The following SRCIN1 variants were observed in gnomAD, a reference collection of about 807,000 sequenced individuals.
SRCIN1 encodes the protein SRC kinase signaling inhibitor 1, also known as P130Cas-associated protein.
In SRCIN1, 50 loss-of-function variants were observed where a neutral mutation model predicts 116.2. That is an observed-to-expected ratio of 0.43 (90% CI 0.34 to 0.54). The LOEUF (loss-of-function observed/expected upper bound fraction) is 0.54, where lower values mean the gene tolerates loss of function less well. Among genes scored for constraint, SRCIN1 ranks in the 20% least tolerant of loss-of-function variants. The pLI is 0.02. For synonymous variants in SRCIN1, 736 were observed against 750.0 expected (o/e 0.98, Z 0.30); for missense variants, 1,446 against 1,672.0 (o/e 0.86, Z 2.36).
In SRCIN1 at chr17:38,561,846, C is replaced by T; in HGVS notation, c.1317G>A (p.Ser439=). 2 of 1,473,964 alleles carry T rather than the reference C, an allele frequency of 1.4e-6. No homozygotes were observed. The highest frequency in any genetic ancestry group is 1.8e-6 in the Non-Finnish European group (2 of 1,122,676). 91.3% of individuals were successfully genotyped at this position (1,473,964 alleles called of 1,614,324 possible). The change falls in exon 7 of 19, where the codon TCG becomes TCA. Residue 439 remains serine (S), a synonymous_variant. Transcript: ENST00000617146. Reference sequence around the variant, plus strand: ...CCAGATCGGACTGCAGCGCGGCGGCCGAGTAGGTGCTGAGCGAGCGCACCG... The same window carrying T: ...CCAGATCGGACTGCAGCGCGGCGGCTGAGTAGGTGCTGAGCGAGCGCACCG... The part of the protein sequence containing the change: ...RGSVRSLSTY[S]AAALQSDLED...
At position 38,559,711 on chromosome 17, in the gene SRCIN1, C is replaced by T. The variant is rs570534473; in HGVS notation, c.1899G>A (p.Ser633=). ...GCTGACCTGCGGGGGTGCTGCTGGCCGAGGGCGGGGGCGGGCCGGACACCG... is the reference window on the plus strand; with the variant it reads ...GCTGACCTGCGGGGGTGCTGCTGGCTGAGGGCGGGGGCGGGCCGGACACCG... The part of the protein sequence containing the change: ...ATPVSGPPPP[S]ASSTPAGQPT... Residue 633 remains serine (S), a synonymous_variant, in exon 10 of 19, where the codon TCG becomes TCA. Transcript: ENST00000617146. 5 of 1,574,474 alleles carry T rather than the reference C, an allele frequency of 3.2e-6. No homozygotes were observed. The South Asian group carries it at 5.7e-5, about 18-fold the overall frequency.
In SRCIN1 at chr17:38,563,259, TC is replaced by T; in HGVS notation, c.740+63del. 1 of 1,534,764 alleles carries T rather than the reference TC, an allele frequency of 6.5e-7. No homozygotes were observed. The highest frequency in any genetic ancestry group is 8.8e-7 in the Non-Finnish European group (1 of 1,137,832). On this transcript the variant is annotated intron_variant, in intron 5 of 18. Transcript: ENST00000617146. This position sits in a 1 kb window ranked among gnomAD's most constrained non-coding sequence, Gnocchi z 5.8. The stretch of plus-strand genomic sequence containing the variant: ...AGGAGCTGGGGAAGGGCCGGCGGGG[TC>T]CAGCACCCTGCAGAGGAGGAGCGTG...
At chr17:38,578,338 G>A (rs1398565179) in intron 2 of SRCIN1, among the ~76,000 whole-genome samples, 152 bp downstream of exon 2, 1 of 152,196 alleles carries the variant, frequency 6.6e-6, no homozygotes, top group East Asian at 1.9e-4. Flanking sequence ...GCCCTGGAGG[G>A]ACAACTCCCC....
chr17:38,578,307 A>T (rs143705484), intron 2 of SRCIN1, among the ~76,000 whole-genome samples, 183 bp downstream of exon 2: 73 of 152,282 alleles, frequency 4.8e-4, no homozygotes, highest in African/African-American at 1.6e-3. Context: ...CAGGCTCCAG[A>T]AAAGGCCAAC....
chr17:38,549,560 C>A (rs1905262882), intron 15 of SRCIN1, among the ~76,000 whole-genome samples: 1 of 152,168 alleles, frequency 6.6e-6, no homozygotes, highest in African/African-American at 2.4e-5. Flanking sequence ...GACACACATT[C>A]AAGTTAGAGA....
At chr17:38,589,693 G>A (rs772535653) in intron 1 of SRCIN1, among the ~76,000 whole-genome samples, 1 of 152,194 alleles carries the variant, frequency 6.6e-6, no homozygotes, top group African/African-American at 2.4e-5. Flanking sequence ...CGAGGGGGCC[G>A]GAGAGCCTCT....
Position 38,561,728 on chromosome 17 carries a change from C to T in SRCIN1, c.1435G>A (p.Ala479Thr). The T allele has an allele frequency of 6.6e-7, 1 of 1,524,462 alleles. No homozygotes were observed. Among genetic ancestry groups the T allele is most frequent in the Non-Finnish European group, 8.8e-7 (1 of 1,142,118 alleles). The allele number at this position is 1,524,462 out of a possible 1,614,324, so 94.4% of individuals were successfully genotyped here. A position where few individuals can be genotyped will look rare whatever the true frequency, so the allele number is the denominator to read the frequency against. Reference sequence around the variant, plus strand: ...CCTCCGGGGGGTGCTGCCACGTCGGCCAGCTTCTGCGGTGACGAAGGCGGC... The same window carrying T: ...CCTCCGGGGGGTGCTGCCACGTCGGTCAGCTTCTGCGGTGACGAAGGCGGC... ...RLPPSSPQKL[A>T]DVAAPPGGPP... The change falls in exon 7 of 19, where the codon GCC becomes ACC. Residue 479 changes from alanine (A) to threonine (T), a missense_variant. Ala to Thr is a moderately conservative substitution (Grantham distance 58, BLOSUM62 0). Around this residue, in one of 5 missense-constraint regions of SRCIN1, gnomAD observed 398 missense variants for 385.6 expected, o/e 1.03. Transcript: ENST00000617146.
chr17:38,578,608 C>A lies in SRCIN1; in HGVS notation c.206G>T (p.Ser69Ile). 1 of 1,610,306 alleles carries A rather than the reference C, an allele frequency of 6.2e-7. No individual in the cohort carries two copies. Residue 69 changes from serine (S) to isoleucine (I), a missense_variant, in exon 2 of 19, where the codon AGC (serine) becomes ATC (isoleucine). Transcript: ENST00000617146. ...GTCGGCGTCCGCCTTCTGGAGCCCG[C>A]TGAGCGCCTCCAGACTCTGGGCCGC... The part of the protein sequence containing the change: ...VIAAQSLEAL[S>I]GLQKADADRK...
chr17:38,569,359 G>A (rs1294047537), intron 2 of SRCIN1, among the ~76,000 whole-genome samples: 2 of 152,198 alleles, frequency 1.3e-5, no homozygotes, highest in African/African-American at 2.4e-5. Context: ...TGGCCCGGGG[G>A]TGCCTGGCAC....
At chr17:38,601,349 T>C (rs1332021446) in intron 1 of SRCIN1, among the ~76,000 whole-genome samples, 5 of 151,884 alleles carry the variant, frequency 3.3e-5, no homozygotes, top group Non-Finnish European at 7.4e-5. Context: ...ATCAGAGACA[T>C]GGGTGGGAGA....
At chr17:38,586,069 A>C (rs1305835504) in intron 1 of SRCIN1, among the ~76,000 whole-genome samples, 1 of 152,208 alleles carries the variant, frequency 6.6e-6, no homozygotes, top group Non-Finnish European at 1.5e-5. Flanking sequence ...CACTGGACAG[A>C]AGGCCTGAGA....
chr17:38,605,812 A>T lies in SRCIN1; in HGVS notation c.-107T>A. 24 of 274,206 alleles carry T rather than the reference A, an allele frequency of 8.8e-5. No individual in the cohort carries two copies. Among genetic ancestry groups the T allele is most frequent in the South Asian group, 1.4e-4 (1 of 7,262 alleles). 17.0% of individuals were successfully genotyped at this position (274,206 alleles called of 1,614,324 possible). A position where few individuals can be genotyped will look rare whatever the true frequency, so the allele number is the denominator to read the frequency against. ...GGCCCCAGCCCCGGGGCGCGGTGCC[A>T]GGCGGGCGGGCCGGGGGCGCGGGCC... On this transcript the variant is annotated 5_prime_UTR_variant, in exon 1 of 19. Coordinates refer to ENST00000617146, the MANE Select transcript of SRCIN1 (RefSeq NM_025248.3).
chr17:38,540,478 G>A (rs1310455237), intron 18 of SRCIN1, among the ~76,000 whole-genome samples: 1 of 148,488 alleles, frequency 6.7e-6, no homozygotes, highest in Non-Finnish European at 1.5e-5. Context: ...GGCATTATGT[G>A]AGCTCAGGAC....
intron 18 of SRCIN1, chr17:38,543,163 A>G (rs1487068439): frequency 2.2e-6 from 1 of 456,688 alleles, no homozygotes; most frequent in Non-Finnish European, 4.4e-6. Flanking sequence ...CATCCCTGCA[A>G]TTCCTGCTGC....
At chr17:38,593,553 G>A (rs982452590) in intron 1 of SRCIN1, among the ~76,000 whole-genome samples, 8 of 152,098 alleles carry the variant, frequency 5.3e-5, no homozygotes, top group African/African-American at 1.7e-4. Flanking sequence ...CAGGTCTGTC[G>A]TCTCTTCCCC....
chr17:38,588,073 G>GGAA (rs758640675), intron 1 of SRCIN1, among the ~76,000 whole-genome samples: 3 of 148,150 alleles, frequency 2.0e-5, no homozygotes, highest in Non-Finnish European at 3.0e-5. Flanking sequence ...AAAAAAAAAA[G>GGAA]GAAGAAGAAG....
chr17:38,563,170 C>A lies in SRCIN1; in HGVS notation c.740+153G>T, dbSNP rs1906399368. Among the ~76,000 whole-genome samples the A allele has an allele frequency of 6.7e-6, 1 of 148,270 alleles. No individual in the cohort carries two copies. Among genetic ancestry groups the A allele is most frequent in the Non-Finnish European group, 1.5e-5 (1 of 66,538 alleles). On this transcript the variant is annotated intron_variant, in intron 5 of 18. Coordinates refer to ENST00000617146, the MANE Select transcript of SRCIN1 (RefSeq NM_025248.3). This position sits in a 1 kb window ranked among gnomAD's most constrained non-coding sequence, Gnocchi z 5.8. ...TTTAGGGGGTGGGGGCTGAGATGGCCGAGGAAGGGGGCGGGGCGGTAGGGC... is the reference window on the plus strand; with the variant it reads ...TTTAGGGGGTGGGGGCTGAGATGGCAGAGGAAGGGGGCGGGGCGGTAGGGC...
rs572168896 is a variant in SRCIN1 at position 38,568,787 on chromosome 17, C to A, written c.325-556G>T. Among the ~76,000 whole-genome samples, 85 of 152,084 alleles carry A rather than the reference C, an allele frequency of 5.6e-4. No homozygotes were observed. The highest frequency in any genetic ancestry group is 1.0e-3 in the Non-Finnish European group (68 of 67,992). On this transcript the variant is annotated intron_variant, in intron 2 of 18. Transcript: ENST00000617146. The surrounding 1 kb of genome is among the most constrained non-coding windows in gnomAD (Gnocchi z 4.5). ...AAGGGTGGGAAGTGGGAGGCTGAGG[C>A]CAGATGATGAGTGGTCATAACTGCT...
chr17:38,549,634 T>C (rs1175003338), intron 15 of SRCIN1, among the ~76,000 whole-genome samples: 3 of 151,908 alleles, frequency 2.0e-5, no homozygotes, highest in African/African-American at 7.3e-5. Flanking sequence ...GCTCTCCATC[T>C]CTCCTCCAGG....
Sources: gnomAD v4.1 joint callset for allele counts (sites outside exome capture counted in the v4.1 genomes callset) on GRCh38, gnomAD v4.1.1 for gene constraint, gnomAD v4.1.1 regional missense constraint, Gnocchi (gnomAD v3.1) non-coding constraint, MANE v1.5 for transcripts, NCBI Gene and HGNC (gene_info 2026-07-23, HGNC 2026-07-21) for gene names.